The following MROH1 variants were observed in gnomAD, a reference collection of about 807,000 sequenced individuals.
The protein encoded by MROH1 is maestro heat-like repeat-containing protein family member 1.
In MROH1, 117 loss-of-function variants were observed where a neutral mutation model predicts 116.5. That is an observed-to-expected ratio of 1.00 (90% CI 0.86 to 1.17). MROH1 has a LOEUF of 1.17. Ranked by LOEUF, MROH1 falls within the 50% of genes most tolerant of loss-of-function variation. The pLI is 0.00. For synonymous variants in MROH1, 921 were observed against 583.9 expected (o/e 1.58, Z -8.32); for missense variants, 1,873 against 1,338.5 (o/e 1.40, Z -6.23).
chr8:144,191,035 A>G (rs1039401255), intron 8 of MROH1, 100 bp downstream of exon 8: 2 of 1,374,312 alleles, frequency 1.5e-6, no homozygotes, highest in African/African-American at 2.9e-5. Flanking sequence ...GTGGTGTTGC[A>G]TTGGCAAGCA....
chr8:144,192,824 G>A, intron 10 of MROH1: 1 of 345,456 alleles, frequency 2.9e-6, no homozygotes. Context: ...GATGTGGGGA[G>A]GAGGCTGAGC....
At chr8:144,247,521 G>GC (rs1842106401) in intron 30 of MROH1, 46 bp from the exon 31 acceptor site, 1 of 758,992 alleles carries the variant, frequency 1.3e-6, no homozygotes, top group Non-Finnish European at 2.4e-6. Context: ...CTGTGGGATC[G>GC]CCAGGGAGGG....
rs1227427898 is a variant in MROH1, at chr8:144,204,742, C to T, written c.1141+4201C>T. Among the ~76,000 whole-genome samples, 6 of 152,130 alleles carry T rather than the reference C, an allele frequency of 3.9e-5. No homozygotes were observed. The East Asian group carries it at 5.8e-4, about 15-fold the overall frequency. On this transcript the variant is annotated intron_variant, in intron 12 of 43. Coordinates refer to ENST00000326134, the MANE Select transcript of MROH1 (RefSeq NM_032450.3). ...ATAGTACAGCTTATTTATTTTCACT[C>T]CCGTGAAGGATTCCAGTGAATTATC...
At chr8:144,149,108 C>T (rs892350311) in intron 1 of MROH1, among the ~76,000 whole-genome samples, 3 of 151,998 alleles carry the variant, frequency 2.0e-5, no homozygotes, top group Non-Finnish European at 4.4e-5. Flanking sequence ...GGAGATGTCC[C>T]GAAGACCTCG....
chr8:144,220,235 G>A (rs184179659), intron 12 of MROH1, among the ~76,000 whole-genome samples: 1 of 152,302 alleles, frequency 6.6e-6, no homozygotes, highest in Non-Finnish European at 1.5e-5. Context: ...AGCGCCTGGA[G>A]GGGGAGCAGG....
In MROH1 at chr8:144,163,937, A is replaced by G. The variant is rs1013225614; in HGVS notation, c.22+89A>G. 57 of 1,436,150 alleles carry G rather than the reference A, an allele frequency of 4.0e-5. 1 individual carries two copies. The South Asian group carries it at 5.1e-4, about 13-fold the overall frequency. 89.0% of individuals were successfully genotyped at this position (1,436,150 alleles called of 1,614,324 possible). On this transcript the variant is annotated intron_variant, in intron 3 of 43. Transcript: ENST00000326134. This position sits in a 1 kb window ranked among gnomAD's most constrained non-coding sequence, Gnocchi z 4.4. ...CAGGCCAAGGCTCTTACCAGCTCCA[A>G]TGGTGCCTAGAGTTTCCACCCTATA...
At position 144,259,373 on chromosome 8, in the gene MROH1, G is replaced by A. The variant is rs922681569; in HGVS notation, c.4044+19G>A. On this transcript the variant is annotated intron_variant, in intron 37 of 43. Transcript: ENST00000326134. ...GGCCGAGGTAGGCCCTTCCAGGGAC[G>A]GATGCTGGGCACCAAGGTGGGGCTC... 1.4e-5 allele frequency: 10 copies of A among 714,738 alleles called. No individual in the cohort carries two copies. The highest frequency in any genetic ancestry group is 7.0e-5 in the African/African-American group (4 of 57,162). The allele number at this position is 714,738 out of a possible 1,614,324, so 44.3% of individuals were successfully genotyped here.
At chr8:144,231,950 A>G (rs1185923452) in intron 14 of MROH1, among the ~76,000 whole-genome samples, 3 of 152,236 alleles carry the variant, frequency 2.0e-5, no homozygotes, top group African/African-American at 4.8e-5. Context: ...ATAACTTAAT[A>G]CATTCATATT....
In MROH1 at chr8:144,206,452, C is replaced by T. The variant is rs147759985; in HGVS notation, c.1141+5911C>T. Among the ~76,000 whole-genome samples the T allele has an allele frequency of 7.7e-3, 1,107 of 143,984 alleles. 13 individuals carry two copies. Among genetic ancestry groups the T allele is most frequent in the African/African-American group, 0.026 (1,032 of 38,978 alleles). 94.5% of individuals were successfully genotyped at this position (143,984 alleles called of 152,430 possible). On this transcript the variant is annotated intron_variant, in intron 12 of 43. Transcript: ENST00000326134. ...TTTTTTTTTTTTTGAGACATAGTTTCGCTCTTGTTGCCCAGGCTGGAAGGT... is the reference window on the plus strand; with the variant it reads ...TTTTTTTTTTTTTGAGACATAGTTTTGCTCTTGTTGCCCAGGCTGGAAGGT...
In MROH1 at chr8:144,259,247, GCTGAGCACGCAGGGCCCCGA is replaced by G; in HGVS notation, c.3940_3959del (p.Glu1314ProfsTer16). 2.8e-6 allele frequency: 2 copies of G among 713,904 alleles called. No homozygotes were observed. The highest frequency in any genetic ancestry group is 5.2e-6 in the Non-Finnish European group (2 of 384,862). 44.2% of individuals were successfully genotyped at this position (713,904 alleles called of 1,614,324 possible). ...AGCGGCCCCCTTTCCCAGGGCCATGGCTGAGCACGCAGGGCCCCGACTCCCCCTGGTGCTGAAGACGCTGG... is the reference window on the plus strand; with the variant it reads ...AGCGGCCCCCTTTCCCAGGGCCATGGCTCCCCCTGGTGCTGAAGACGCTGG... On this transcript the variant is annotated frameshift_variant, in exon 37 of 44. Coordinates refer to ENST00000326134, the MANE Select transcript of MROH1 (RefSeq NM_032450.3). LOFTEE classifies it high-confidence loss of function.
chr8:144,179,745 T>TG (rs111756606), intron 5 of MROH1, among the ~76,000 whole-genome samples, 159 bp downstream of exon 5: 9,098 of 152,146 alleles, frequency 0.06, 930 homozygotes, highest in African/African-American at 0.21. Flanking sequence ...CCTGCAGGGG[T>TG]GGGGGGTGGT....
intron 1 of MROH1, among the ~76,000 whole-genome samples, chr8:144,152,555 A>ATTATTTATTT (rs1369841266): frequency 9.6e-4 from 125 of 130,590 alleles, no homozygotes; most frequent in African/African-American, 3.4e-3. Flanking sequence ...TATTATTATT[A>ATTATTTATTT]TTTTTTTTTT....
chr8:144,186,361 A>C (rs1382659394), intron 7 of MROH1, among the ~76,000 whole-genome samples: 3 of 151,974 alleles, frequency 2.0e-5, no homozygotes, highest in African/African-American at 7.2e-5. Flanking sequence ...ACCTCAGGTG[A>C]TCTGTCCACC....
At chr8:144,260,101 G>A in intron 38 of MROH1, 44 bp downstream of exon 38, 1 of 740,912 alleles carries the variant, frequency 1.3e-6, no homozygotes, top group Non-Finnish European at 2.5e-6. Context: ...CAGCATGGGT[G>A]GGGGGCTGTG....
intron 14 of MROH1, among the ~76,000 whole-genome samples, chr8:144,224,455 G>A (rs1335729789): frequency 1.3e-5 from 2 of 151,698 alleles, no homozygotes; most frequent in South Asian, 2.1e-4. Flanking sequence ...TTGTAGAGAC[G>A]AGATCACACT....
rs983016232 is a variant in MROH1 at position 144,241,001 on chromosome 8, T to C, written c.1945T>C (p.Tyr649His). The change falls in exon 21 of 44, where the codon TAC becomes CAC. Residue 649 changes from tyrosine to histidine, a missense_variant. Tyr to His is a moderately conservative substitution (Grantham distance 83). Coordinates refer to ENST00000326134, the MANE Select transcript of MROH1 (RefSeq NM_032450.3). The part of the protein sequence containing the change: ...DEAPQEKNFL[Y>H]KCIGTTLGAA... The stretch of plus-strand genomic sequence containing the variant: ...TCTGGTTTTGTTTCAGAACTTCCTG[T>C]ACAAATGCATAGGCACCACCCTGGG... 2.1e-5 allele frequency: 16 copies of C among 763,136 alleles called. No homozygotes were observed. The highest frequency in any genetic ancestry group is 3.9e-5 in the Non-Finnish European group (16 of 410,036). 47.3% of individuals were successfully genotyped at this position (763,136 alleles called of 1,614,324 possible).
chr8:144,245,120 T>G (rs1588456841), intron 28 of MROH1, 36 bp from the exon 29 acceptor site: 1 of 778,426 alleles, frequency 1.3e-6, no homozygotes, highest in Non-Finnish European at 2.4e-6. Context: ...AGGGCTGCCC[T>G]CTGAGCAGTA....
chr8:144,156,270 G>A (rs1818057539), intron 1 of MROH1, among the ~76,000 whole-genome samples: 1 of 149,776 alleles, frequency 6.7e-6, no homozygotes, highest in Non-Finnish European at 1.5e-5. Flanking sequence ...AAAAAGTTGA[G>A]CAGGTTTCCT....
At chr8:144,175,071 T>C (rs963737536) in intron 4 of MROH1, 10 of 985,336 alleles carry the variant, frequency 1.0e-5, no homozygotes, top group Non-Finnish European at 1.2e-5. Flanking sequence ...GATGGAAGCA[T>C]AATGCAACTT....
Sources: allele counts gnomAD v4.1 joint callset (sites outside exome capture counted in the v4.1 genomes callset), GRCh38; gene constraint gnomAD v4.1.1; non-coding constraint Gnocchi (gnomAD v3.1); transcripts MANE v1.5; gene names NCBI Gene and HGNC (gene_info 2026-07-23, HGNC 2026-07-21).